The following PDE4D variants were observed in gnomAD, a reference collection of about 807,000 sequenced individuals.
PDE4D encodes the protein phosphodiesterase 4D.
PDE4D carries 24 observed loss-of-function variants against 87.4 expected under a neutral mutation model. That is an observed-to-expected ratio of 0.27 (90% CI 0.20 to 0.39). The LOEUF is 0.39. Among genes scored for constraint, PDE4D ranks in the 10% least tolerant of loss-of-function variants. The pLI is 1.00. For missense variants in PDE4D, 714 were observed against 1,041.0 expected, an observed-to-expected ratio of 0.69 and a Z score of 4.32; for synonymous variants, 384 against 383.2, an observed-to-expected ratio of 1.00 and a Z score of -0.02.
At chr5:60,308,656 G>A (rs1754720420) in intron 1 of PDE4D, among the ~76,000 whole-genome samples, 1 of 152,166 alleles carries the variant, frequency 6.6e-6, no homozygotes, top group African/African-American at 2.4e-5. Context: ...GCTCTCCAAA[G>A]AATGTTCCAC....
At chr5:59,551,673 C>T (rs1818147249) in intron 1 of PDE4D, among the ~76,000 whole-genome samples, 1 of 152,090 alleles carries the variant, frequency 6.6e-6, no homozygotes, top group African/African-American at 2.4e-5. Flanking sequence ...AACCTTTACC[C>T]ACTGTGCTTT....
chr5:59,159,626 G>A (rs1358773754), intron 5 of PDE4D, among the ~76,000 whole-genome samples: 1 of 152,182 alleles, frequency 6.6e-6, no homozygotes, highest in African/African-American at 2.4e-5. Flanking sequence ...TTCAAAATCA[G>A]TAAGTAGGTG....
intron 1 of PDE4D, among the ~76,000 whole-genome samples, chr5:59,676,024 C>A (rs960130137): frequency 1.3e-5 from 2 of 151,944 alleles, no homozygotes; most frequent in Non-Finnish European, 2.9e-5. Context: ...CACACTGTGA[C>A]CTATAACATT....
intron 3 of PDE4D, among the ~76,000 whole-genome samples, chr5:59,965,808 C>G (rs1479907511): frequency 6.6e-6 from 1 of 152,182 alleles, no homozygotes; most frequent in Non-Finnish European, 1.5e-5. Flanking sequence ...ATTGTTGACT[C>G]TGCAGGCCGA....
At chr5:59,319,450 T>C (rs2153570533) in intron 1 of PDE4D, among the ~76,000 whole-genome samples, 1 of 152,220 alleles carries the variant, frequency 6.6e-6, no homozygotes, top group South Asian at 2.1e-4. Flanking sequence ...CACTCAGTTG[T>C]GGGAAGGAAA....
At chr5:60,511,315 A>G (rs1583963880) in intron 1 of PDE4D, among the ~76,000 whole-genome samples, 1 of 152,192 alleles carries the variant, frequency 6.6e-6, no homozygotes, top group Admixed American at 6.5e-5. Context: ...TAGAGACTCA[A>G]TAAATGCTTG....
chr5:59,554,396 C>T (rs184498776), intron 1 of PDE4D, among the ~76,000 whole-genome samples: 98 of 152,216 alleles, frequency 6.4e-4, no homozygotes, highest in African/African-American at 2.2e-3. Flanking sequence ...AAAGAAGTGG[C>T]CTGCCCACAG....
intron 1 of PDE4D, among the ~76,000 whole-genome samples, chr5:60,211,008 G>GGGACTGGGGC (rs1352098997): frequency 6.6e-6 from 1 of 152,194 alleles, no homozygotes; most frequent in Non-Finnish European, 1.5e-5. Context: ...GAGCCTGCAT[G>GGGACTGGGGC]GGACTGGGGC....
At chr5:59,560,942 T>C (rs1043449486) in intron 1 of PDE4D, 1 of 152,140 alleles carries the variant, frequency 6.6e-6, no homozygotes, top group Non-Finnish European at 1.5e-5. Flanking sequence ...AAAAAGATAT[T>C]TAAAAACATG....
At chr5:59,703,535 G>T in intron 1 of PDE4D, 1 of 532,732 alleles carries the variant, frequency 1.9e-6, no homozygotes, top group Non-Finnish European at 3.9e-6. Context: ...TACTTGAGAA[G>T]GAATTTTCCC....
intron 1 of PDE4D, among the ~76,000 whole-genome samples, chr5:60,197,829 C>A (rs1199610491): frequency 2.0e-5 from 3 of 151,500 alleles, no homozygotes; most frequent in African/African-American, 7.3e-5. Flanking sequence ...AAACCAAAAC[C>A]TCTCAATCCT....
intron 1 of PDE4D, among the ~76,000 whole-genome samples, chr5:59,786,865 T>G (rs1765234670): frequency 6.6e-6 from 1 of 152,012 alleles, no homozygotes; most frequent in South Asian, 2.1e-4. Flanking sequence ...TTTTCAACAT[T>G]TTTTTTTCCA....
At chr5:60,210,820 G>A (rs1286067173) in intron 1 of PDE4D, among the ~76,000 whole-genome samples, 1 of 151,888 alleles carries the variant, frequency 6.6e-6, no homozygotes, top group African/African-American at 2.4e-5. Flanking sequence ...ACAATGTAGG[G>A]GAAGATGACC....
chr5:59,982,747 T>C (rs576301420), intron 3 of PDE4D, among the ~76,000 whole-genome samples: 1 of 152,302 alleles, frequency 6.6e-6, no homozygotes, highest in African/African-American at 2.4e-5. Context: ...ACTGTAACTT[T>C]CTGAAACAGG....
At chr5:59,731,437 G>C (rs1477698600) in intron 1 of PDE4D, among the ~76,000 whole-genome samples, 2 of 152,034 alleles carry the variant, frequency 1.3e-5, no homozygotes, top group Non-Finnish European at 2.9e-5. Context: ...ATATTTGAGG[G>C]TATCATAGAA....
intron 1 of PDE4D, among the ~76,000 whole-genome samples, chr5:59,498,125 A>G (rs1280738639): frequency 2.0e-5 from 3 of 151,856 alleles, no homozygotes; most frequent in Admixed American, 6.6e-5. Context: ...AGCAATTGCT[A>G]AAAGAATCCA....
chr5:59,154,960 A>T (rs1053693452), intron 5 of PDE4D, among the ~76,000 whole-genome samples: 1 of 152,218 alleles, frequency 6.6e-6, no homozygotes, highest in African/African-American at 2.4e-5. Context: ...TCTTGGCTAA[A>T]AGTGTTTCAC....
intron 1 of PDE4D, among the ~76,000 whole-genome samples, chr5:60,483,449 T>C (rs1187972621): frequency 1.3e-5 from 2 of 152,226 alleles, no homozygotes; most frequent in Non-Finnish European, 2.9e-5. Flanking sequence ...TAACCCTTTT[T>C]CTTTGAGAAT....
At chr5:60,115,733 G>T (rs771259974) in intron 2 of PDE4D, among the ~76,000 whole-genome samples, 1 of 152,042 alleles carries the variant, frequency 6.6e-6, no homozygotes, top group Non-Finnish European at 1.5e-5. Flanking sequence ...AGTCACTTGA[G>T]ATCTAGAAAT....
Sources: gnomAD v4.1 joint callset for allele counts (sites outside exome capture counted in the v4.1 genomes callset) on GRCh38, gnomAD v4.1.1 for gene constraint, MANE v1.5 for transcripts, NCBI Gene and HGNC (gene_info 2026-07-23, HGNC 2026-07-21) for gene names.